The following KCTD8 variants were observed in gnomAD, a reference collection of about 807,000 sequenced individuals.
KCTD8 encodes BTB/POZ domain-containing protein KCTD8.
A neutral mutation model predicts 31.5 loss-of-function variants in KCTD8; 27 were observed. The ratio of observed to expected loss-of-function variants is 0.86; its 90% CI spans 0.63 to 1.18. The LOEUF (loss-of-function observed/expected upper bound fraction) is 1.18. KCTD8 is among the 50% of genes most tolerant of loss of function. The pLI, the probability that KCTD8 is intolerant of heterozygous loss-of-function variation, is 0.00. For synonymous variants in KCTD8, 290 were observed against 280.0 expected (o/e 1.04, Z -0.36); for missense variants, 658 against 647.7 (o/e 1.02, Z -0.17).
chr4:44,373,371 G>A (rs1719840313), intron 1 of KCTD8, among the ~76,000 whole-genome samples: 1 of 150,718 alleles, frequency 6.6e-6, no homozygotes, highest in African/African-American at 2.4e-5. Context: ...AAAAAAAAAA[G>A]GCCAATAGAG....
intron 1 of KCTD8, among the ~76,000 whole-genome samples, chr4:44,317,228 CTTT>C (rs760060899): frequency 0.016 from 599 of 36,544 alleles, 14 homozygotes; most frequent in Middle Eastern, 0.075. Flanking sequence ...TGGGTGCTTT[CTTT>C]TTTTTTTTTT....
chr4:44,248,002 A>G (rs1467160274), intron 1 of KCTD8, among the ~76,000 whole-genome samples: 1 of 151,958 alleles, frequency 6.6e-6, no homozygotes, highest in African/African-American at 2.4e-5. Flanking sequence ...TTGAAATTAG[A>G]ATCTTGCAGA....
At chr4:44,386,451 G>T (rs1214413461) in intron 1 of KCTD8, among the ~76,000 whole-genome samples, 1 of 151,456 alleles carries the variant, frequency 6.6e-6, no homozygotes, top group Non-Finnish European at 1.5e-5. Flanking sequence ...TATCTGAATA[G>T]ACATTTCCCA....
intron 1 of KCTD8, among the ~76,000 whole-genome samples, chr4:44,199,829 T>C (rs534348285): frequency 6.6e-6 from 1 of 151,702 alleles, no homozygotes; most frequent in South Asian, 2.1e-4. Flanking sequence ...GAAACTGAGA[T>C]GCAAAAGACC....
chr4:44,256,224 T>A (rs1715987096), intron 1 of KCTD8, among the ~76,000 whole-genome samples: 1 of 151,894 alleles, frequency 6.6e-6, no homozygotes, highest in Non-Finnish European at 1.5e-5. Flanking sequence ...CAAGATAAGA[T>A]TTAGGTGGGG....
chr4:44,304,435 T>C (rs1560421026), intron 1 of KCTD8, among the ~76,000 whole-genome samples: 1 of 152,166 alleles, frequency 6.6e-6, no homozygotes, highest in Non-Finnish European at 1.5e-5. Flanking sequence ...GATCAAAACA[T>C]TTTTTTGTTG....
At chr4:44,441,364 A>G (rs1721805458) in intron 1 of KCTD8, among the ~76,000 whole-genome samples, 1 of 152,176 alleles carries the variant, frequency 6.6e-6, no homozygotes, top group Non-Finnish European at 1.5e-5. Flanking sequence ...TTAACTATAA[A>G]AATATTCATG....
intron 1 of KCTD8, among the ~76,000 whole-genome samples, chr4:44,245,522 T>C (rs1715633885): frequency 6.6e-6 from 1 of 151,958 alleles, no homozygotes; most frequent in South Asian, 2.1e-4. Flanking sequence ...TAAGCATTAA[T>C]GGTGTATAAA....
chr4:44,216,893 A>T (rs1191846408), intron 1 of KCTD8, among the ~76,000 whole-genome samples: 2 of 150,298 alleles, frequency 1.3e-5, no homozygotes, highest in African/African-American at 2.4e-5. Flanking sequence ...TCAAAAGTTA[A>T]TTTTTTTTTT....
At chr4:44,240,068 A>T (rs1023917299) in intron 1 of KCTD8, among the ~76,000 whole-genome samples, 1 of 152,232 alleles carries the variant, frequency 6.6e-6, no homozygotes, top group Admixed American at 6.5e-5. Flanking sequence ...AATGTCATTT[A>T]TCGGGACCCA....
At chr4:44,434,571 A>G (rs1246983773) in intron 1 of KCTD8, among the ~76,000 whole-genome samples, 1 of 151,894 alleles carries the variant, frequency 6.6e-6, no homozygotes, top group Non-Finnish European at 1.5e-5. Flanking sequence ...TCCCTACTTA[A>G]ATCAATAAAT....
At position 44,427,501 on chromosome 4, in the gene KCTD8, A is replaced by G. The variant is rs563132741; in HGVS notation, c.961+20062T>C. Among the ~76,000 whole-genome samples the G allele has an allele frequency of 2.5e-5, 3 of 119,318 alleles. No individual in the cohort carries two copies. The South Asian group carries it at 1.0e-3, about 41-fold the overall frequency. 78.3% of individuals were successfully genotyped at this position (119,318 alleles called of 152,430 possible). On this transcript the variant is annotated intron_variant, in intron 1 of 1. Coordinates refer to ENST00000360029, the MANE Select transcript of KCTD8 (RefSeq NM_198353.3). ...ATGGAATTAACAGGCAAACTATTGAAACTAACAAAAGACTGTGATGAAAGA... is the reference window on the plus strand; with the variant it reads ...ATGGAATTAACAGGCAAACTATTGAGACTAACAAAAGACTGTGATGAAAGA...
chr4:44,329,204 G>A (rs1195702700), intron 1 of KCTD8, among the ~76,000 whole-genome samples: 1 of 148,734 alleles, frequency 6.7e-6, no homozygotes, highest in Non-Finnish European at 1.5e-5. Flanking sequence ...GCTGGGGTTT[G>A]TTTTTCTTGA....
chr4:44,295,353 G>A (rs904902432), intron 1 of KCTD8, among the ~76,000 whole-genome samples: 4 of 151,856 alleles, frequency 2.6e-5, no homozygotes, highest in African/African-American at 9.7e-5. Flanking sequence ...CCTCTGATGG[G>A]GCCTTTTAGA....
At chr4:44,248,052 G>A (rs1715719999) in intron 1 of KCTD8, among the ~76,000 whole-genome samples, 1 of 151,766 alleles carries the variant, frequency 6.6e-6, no homozygotes, top group Non-Finnish European at 1.5e-5. Flanking sequence ...CCTGCCTCTG[G>A]TCTTGCCCTG....
At chr4:44,268,153 T>C (rs1055505564) in intron 1 of KCTD8, among the ~76,000 whole-genome samples, 16 of 152,190 alleles carry the variant, frequency 1.1e-4, no homozygotes, top group African/African-American at 3.9e-4. Flanking sequence ...AATAAAATAC[T>C]GGCAAACCGA....
chr4:44,306,327 T>C (rs769952444), intron 1 of KCTD8, among the ~76,000 whole-genome samples: 17 of 151,994 alleles, frequency 1.1e-4, no homozygotes, highest in Non-Finnish European at 2.4e-4. Context: ...TCTAGATTGG[T>C]CAAGTATAAT....
chr4:44,418,800 T>C (rs1721141183), intron 1 of KCTD8, among the ~76,000 whole-genome samples: 1 of 152,190 alleles, frequency 6.6e-6, no homozygotes, highest in Non-Finnish European at 1.5e-5. Flanking sequence ...GCATCGGCTC[T>C]GGTTAATTAA....
intron 1 of KCTD8, among the ~76,000 whole-genome samples, chr4:44,180,020 C>T (rs1034188743): frequency 3.3e-5 from 5 of 152,046 alleles, no homozygotes; most frequent in African/African-American, 1.2e-4. Flanking sequence ...ATGCTTTAAG[C>T]ACCACATGAA....
Sources: gnomAD v4.1 joint callset for allele counts (sites outside exome capture counted in the v4.1 genomes callset) on GRCh38, gnomAD v4.1.1 for gene constraint, MANE v1.5 for transcripts, NCBI Gene and HGNC (gene_info 2026-07-23, HGNC 2026-07-21) for gene names.